Variants in DIAPH2 observed in about 807,000 individuals in gnomAD.
DIAPH2 encodes diaphanous related formin 2, also known as protein diaphanous homolog 2.
A neutral mutation model predicts 92.7 loss-of-function variants in DIAPH2; 35 were observed. That is an observed-to-expected ratio of 0.38 (90% confidence interval 0.29 to 0.50). The LOEUF is 0.50. Among genes scored for constraint, DIAPH2 ranks in the 20% least tolerant of loss-of-function variants. The pLI is 0.94. For synonymous variants in DIAPH2, 301 were observed against 280.4 expected, an observed-to-expected ratio of 1.07 and a Z score of -0.73; for missense variants, 701 against 819.5, an observed-to-expected ratio of 0.86 and a Z score of 1.77.
chrX:97,123,392 T>C (rs2067070707), intron 21 of DIAPH2, among the ~76,000 whole-genome samples: 1 of 112,449 alleles, frequency 8.9e-6, no homozygotes, highest in Admixed American at 9.4e-5. Flanking sequence ...ATATGTAATT[T>C]TTCAAAGGCA....
intron 23 of DIAPH2, among the ~76,000 whole-genome samples, chrX:97,302,751 GAGGC>G (rs1185779464): frequency 2.7e-5 from 3 of 110,936 alleles, no homozygotes; most frequent in Non-Finnish European, 5.7e-5. Context: ...TTGGGAGACT[GAGGC>G]AGGCAGATCA....
At chrX:97,228,355 G>T (rs895655160) in intron 22 of DIAPH2, among the ~76,000 whole-genome samples, 29 of 111,819 alleles carry the variant, frequency 2.6e-4, no homozygotes, top group African/African-American at 8.1e-4. Flanking sequence ...AATCATTGGG[G>T]TCATATGCTA....
intron 19 of DIAPH2, among the ~76,000 whole-genome samples, chrX:97,098,222 C>G (rs971614580): frequency 1.3e-4 from 14 of 111,555 alleles, no homozygotes; most frequent in African/African-American, 4.6e-4. Context: ...TAAAACTAAC[C>G]ATTTTACCCT....
chrX:96,747,851 A>C (rs1460796092), intron 3 of DIAPH2, among the ~76,000 whole-genome samples: 5 of 112,282 alleles, frequency 4.5e-5, no homozygotes, highest in Non-Finnish European at 9.4e-5. Flanking sequence ...TAGGTCTTAA[A>C]ATCTATAATA....
intron 26 of DIAPH2, chrX:97,469,758 G>A (rs894799041): frequency 8.3e-7 from 1 of 1,204,149 alleles, no homozygotes; most frequent in Non-Finnish European, 1.1e-6. Context: ...CCTGAGTGCT[G>A]TTTTAAACAG....
At chrX:97,486,836 A>G (rs1053295134) in intron 26 of DIAPH2, among the ~76,000 whole-genome samples, 3 of 105,894 alleles carry the variant, frequency 2.8e-5, no homozygotes, top group African/African-American at 9.8e-5. Context: ...ATTGTTAACT[A>G]TAGGCACTAT....
chrX:97,083,254 G>A (rs1387126655), intron 19 of DIAPH2, among the ~76,000 whole-genome samples: 4 of 111,873 alleles, frequency 3.6e-5, no homozygotes, highest in Non-Finnish European at 5.6e-5. Context: ...CGGGTATAAC[G>A]TAATGGTATT....
At chrX:96,820,951 G>T (rs1490368274) in intron 4 of DIAPH2, among the ~76,000 whole-genome samples, 5 of 112,150 alleles carry the variant, frequency 4.5e-5, no homozygotes, top group Admixed American at 3.8e-4. Context: ...GCCACATGAA[G>T]ATCAGGAGGA....
Position 97,243,575 on chromosome X carries a change from A to G in DIAPH2, c.2720-4140A>G, listed in dbSNP as rs141312734. 9.8e-3 allele frequency among the ~76,000 whole-genome samples: 1,099 copies of G among 112,088 alleles called. 10 individuals carry two copies. Among genetic ancestry groups the G allele is most frequent in the African/African-American group, 0.034 (1,036 of 30,910 alleles). ...TAAGCTAGAATTCTCAGATTATTAC[A>G]TCTCCAATATTTTATTCTCTTTTGT... On this transcript the variant is annotated intron_variant, in intron 22 of 26. Coordinates refer to ENST00000324765, the MANE Select transcript of DIAPH2 (RefSeq NM_006729.5).
intron 4 of DIAPH2, among the ~76,000 whole-genome samples, chrX:96,759,147 T>C (rs2064251892): frequency 9.0e-6 from 1 of 110,864 alleles, no homozygotes; most frequent in Admixed American, 9.6e-5. Flanking sequence ...ACTATTTAGG[T>C]CATGTGTTTT....
intron 4 of DIAPH2, among the ~76,000 whole-genome samples, chrX:96,761,621 C>T (rs979864847): frequency 5.4e-5 from 6 of 111,050 alleles, no homozygotes; most frequent in South Asian, 3.8e-4. Context: ...TATCTATTGC[C>T]GTTTGTGCTT....
At chrX:97,124,608 C>T (rs1276618770) in intron 21 of DIAPH2, among the ~76,000 whole-genome samples, 1 of 112,134 alleles carries the variant, frequency 8.9e-6, no homozygotes, top group African/African-American at 3.2e-5. Flanking sequence ...CTTGTCAATA[C>T]TGACTGCTTT....
At chrX:97,245,452 T>C (rs1489370299) in intron 22 of DIAPH2, among the ~76,000 whole-genome samples, 2 of 111,033 alleles carry the variant, frequency 1.8e-5, no homozygotes, top group Non-Finnish European at 3.8e-5. Context: ...TTTAAATTTT[T>C]TGTAGAGACG....
chrX:97,032,767 A>G (rs1364480530), intron 17 of DIAPH2, among the ~76,000 whole-genome samples: 1 of 111,825 alleles, frequency 8.9e-6, no homozygotes, highest in Non-Finnish European at 1.9e-5. Context: ...TTAAGAGAGT[A>G]TATTATGAAA....
At chrX:97,531,652 A>C (rs1376860245) in intron 26 of DIAPH2, among the ~76,000 whole-genome samples, 1 of 112,203 alleles carries the variant, frequency 8.9e-6, no homozygotes, top group Non-Finnish European at 1.9e-5. Context: ...TTACTGAAGT[A>C]AATTTTTAGG....
intron 25 of DIAPH2, among the ~76,000 whole-genome samples, chrX:97,426,122 A>T (rs1044961042): frequency 1.4e-4 from 15 of 110,626 alleles, no homozygotes; most frequent in African/African-American, 4.6e-4. Flanking sequence ...ATCCCTGGTC[A>T]TCTAAACTCC....
At chrX:97,070,257 G>A (rs904627458) in intron 17 of DIAPH2, among the ~76,000 whole-genome samples, 1 of 110,527 alleles carries the variant, frequency 9.0e-6, no homozygotes, top group African/African-American at 3.3e-5. Flanking sequence ...ATGAACCTGA[G>A]GACCATAGGG....
chrX:96,738,175 T>C (rs1176879212), intron 2 of DIAPH2, among the ~76,000 whole-genome samples: 1 of 111,895 alleles, frequency 8.9e-6, no homozygotes, highest in Non-Finnish European at 1.9e-5. Flanking sequence ...GAGAAAAACA[T>C]TACCATAATT....
At chrX:97,461,060 C>G (rs2070453997) in intron 26 of DIAPH2, among the ~76,000 whole-genome samples, 1 of 111,511 alleles carries the variant, frequency 9.0e-6, no homozygotes, top group Non-Finnish European at 1.9e-5. Flanking sequence ...CTAGCTGCAC[C>G]AGAAAGGAGT....
Sources: allele counts gnomAD v4.1 joint callset (sites outside exome capture counted in the v4.1 genomes callset), GRCh38; gene constraint gnomAD v4.1.1; transcripts MANE v1.5; gene names NCBI Gene and HGNC (gene_info 2026-07-23, HGNC 2026-07-21).